The following KIF3B variants were observed in gnomAD, a reference collection of about 807,000 sequenced individuals.
KIF3B encodes kinesin-like protein KIF3B.
Under a neutral mutation model 74.3 loss-of-function variants are expected in KIF3B, and 38 were observed. The observed-to-expected ratio is 0.51, with a 90% CI of 0.39 to 0.67. The LOEUF (loss-of-function observed/expected upper bound fraction) is 0.67. Among genes scored for constraint, KIF3B ranks in the 30% least tolerant of loss-of-function variants. KIF3B has a pLI of 0.00. For missense variants in KIF3B, 649 were observed against 932.0 expected (o/e 0.70, Z 3.95); for synonymous variants, 326 against 342.5 (o/e 0.95, Z 0.53).
intron 1 of KIF3B, among the ~76,000 whole-genome samples, chr20:32,287,037 G>A (rs910961188): frequency 3.3e-5 from 5 of 152,076 alleles, no homozygotes; most frequent in African/African-American, 9.7e-5. Flanking sequence ...CCTAACTCAG[G>A]TTTTAGCTTA....
At chr20:32,317,400 G>A (rs948730444) in intron 5 of KIF3B, among the ~76,000 whole-genome samples, 2 of 151,932 alleles carry the variant, frequency 1.3e-5, no homozygotes, top group Admixed American at 6.6e-5. Context: ...CTACCTTCTC[G>A]AAGCTTTTAA....
intron 2 of KIF3B, among the ~76,000 whole-genome samples, chr20:32,311,446 T>A (rs544138199): frequency 0.33 from 2 of 6 alleles, 1 homozygote; most frequent in Admixed American, 1. Flanking sequence ...ACGCCTGTAA[T>A]CCCAGCACTT....
chr20:32,295,035 C>T (rs1453899019), intron 1 of KIF3B, among the ~76,000 whole-genome samples: 2 of 152,158 alleles, frequency 1.3e-5, no homozygotes, highest in Non-Finnish European at 2.9e-5. Context: ...GTGACAAACA[C>T]AAATTGTGTA....
chr20:32,300,285 AT>A (rs1009429269), intron 1 of KIF3B, among the ~76,000 whole-genome samples: 1 of 148,086 alleles, frequency 6.8e-6, no homozygotes, highest in Admixed American at 6.7e-5. Flanking sequence ...TTAAATGTAA[AT>A]TTTTTTTTTG....
At chr20:32,325,639 A>G (rs901990986) in intron 5 of KIF3B, among the ~76,000 whole-genome samples, 1 of 105,118 alleles carries the variant, frequency 9.5e-6, no homozygotes, top group Non-Finnish European at 1.9e-5. Flanking sequence ...TTTCATTATT[A>G]TCTCTCTCTC....
At chr20:32,327,442 A>G (rs1041673003) in intron 6 of KIF3B, 114 bp from the exon 7 acceptor site, 7 of 747,884 alleles carry the variant, frequency 9.4e-6, no homozygotes, top group Non-Finnish European at 9.2e-6. Flanking sequence ...TTCCCGTCCC[A>G]CTTACGTCAG....
In KIF3B at chr20:32,331,246, G is replaced by C. The variant is rs781032135; in HGVS notation, c.2171G>C (p.Gly724Ala). The C allele has an allele frequency of 1.2e-6, 2 of 1,613,470 alleles. No homozygotes were observed. The highest frequency in any genetic ancestry group is 1.7e-6 in the Non-Finnish European group (2 of 1,179,856). Residue 724 changes from glycine to alanine, a missense_variant, in exon 9 of 9, where the codon GGA becomes GCA. Coordinates refer to ENST00000375712, the MANE Select transcript of KIF3B (RefSeq NM_004798.4). ...AGGCCTAAAAGTGGAAGGAAGTCGG[G>C]ATCCTCCTCCTCTTCCTCAGGAACC... ...KARPKSGRKSGSSSSSSGTPA... is the reference protein window; with the variant it reads ...KARPKSGRKSASSSSSSGTPA...
chr20:32,317,142 T>G (rs1289879624), intron 5 of KIF3B, among the ~76,000 whole-genome samples: 1 of 152,058 alleles, frequency 6.6e-6, no homozygotes, highest in African/African-American at 2.4e-5. Context: ...GAGGCTGAGA[T>G]AGGAGAATCG....
At chr20:32,320,319 A>T (rs142686810) in intron 5 of KIF3B, among the ~76,000 whole-genome samples, 29 of 152,260 alleles carry the variant, frequency 1.9e-4, no homozygotes, top group African/African-American at 7.0e-4. Flanking sequence ...TACTTATAGC[A>T]CAAAAGATTT....
At chr20:32,298,585 C>G (rs1030795660) in intron 1 of KIF3B, among the ~76,000 whole-genome samples, 1 of 152,178 alleles carries the variant, frequency 6.6e-6, no homozygotes, top group Non-Finnish European at 1.5e-5. Context: ...CCCATCTCTA[C>G]TCCCATTATC....
intron 1 of KIF3B, among the ~76,000 whole-genome samples, chr20:32,307,963 G>A (rs1320965879): frequency 6.6e-6 from 1 of 151,634 alleles, no homozygotes; most frequent in African/African-American, 2.4e-5. Flanking sequence ...GACCAGCCTG[G>A]GTGGCTCACG....
intron 5 of KIF3B, among the ~76,000 whole-genome samples, chr20:32,319,320 G>A (rs2047845158): frequency 1.3e-5 from 2 of 151,534 alleles, no homozygotes; most frequent in African/African-American, 2.4e-5. Context: ...ACATCCTAAC[G>A]AGTGTGAAAT....
chr20:32,296,751 A>G (rs2047719155), intron 1 of KIF3B, among the ~76,000 whole-genome samples: 1 of 152,168 alleles, frequency 6.6e-6, no homozygotes, highest in African/African-American at 2.4e-5. Context: ...ATATAAGCAA[A>G]TGTAGAACCA....
At chr20:32,315,790 T>C (rs2047824185) in intron 2 of KIF3B, among the ~76,000 whole-genome samples, 1 of 152,136 alleles carries the variant, frequency 6.6e-6, no homozygotes. Flanking sequence ...ACTGTGTCCT[T>C]TCCTCATGAT....
chr20:32,323,986 G>A (rs980649183), intron 5 of KIF3B, among the ~76,000 whole-genome samples: 1 of 152,086 alleles, frequency 6.6e-6, no homozygotes. Flanking sequence ...GCATGTGCCT[G>A]TAGTTCCAGC....
chr20:32,306,659 G>A (rs1483872445), intron 1 of KIF3B, among the ~76,000 whole-genome samples: 1 of 135,124 alleles, frequency 7.4e-6, no homozygotes, highest in Non-Finnish European at 1.5e-5. Flanking sequence ...GTGCAATCTC[G>A]GCTCACTGCA....
intron 1 of KIF3B, among the ~76,000 whole-genome samples, chr20:32,292,566 C>T (rs1020745791): frequency 4.5e-5 from 6 of 133,204 alleles, no homozygotes; most frequent in East Asian, 2.3e-4. Flanking sequence ...GGTGAAACCT[C>T]GTCTCTACTA....
At chr20:32,322,846 A>ATATGTATATTTT (rs1173623464) in intron 5 of KIF3B, among the ~76,000 whole-genome samples, 4 of 77,368 alleles carry the variant, frequency 5.2e-5, no homozygotes, top group African/African-American at 2.3e-4. Context: ...TTATATATTT[A>ATATGTATATTTT]TATATATTTA....
At chr20:32,289,665 A>G (rs1415470323) in intron 1 of KIF3B, among the ~76,000 whole-genome samples, 1 of 152,194 alleles carries the variant, frequency 6.6e-6, no homozygotes, top group African/African-American at 2.4e-5. Flanking sequence ...TTTTCCATTC[A>G]TGGTGGTTAT....
Sources: allele counts gnomAD v4.1 joint callset (sites outside exome capture counted in the v4.1 genomes callset), GRCh38; gene constraint gnomAD v4.1.1; transcripts MANE v1.5; gene names NCBI Gene and HGNC (gene_info 2026-07-23, HGNC 2026-07-21).